The following MYH13 variants were observed in gnomAD, a reference collection of about 807,000 sequenced individuals.
The protein encoded by MYH13 is myosin heavy chain 13.
In MYH13, 177 loss-of-function variants were observed where a neutral mutation model predicts 232.1. The observed-to-expected ratio is 0.76, with a 90% confidence interval of 0.67 to 0.86. The LOEUF (loss-of-function observed/expected upper bound fraction) is 0.86, where lower values mean the gene tolerates loss of function less well. Among genes scored for constraint, MYH13 ranks in the 40% least tolerant of loss-of-function variants. MYH13 has a pLI of 0.00. For missense variants in MYH13, 2,246 were observed against 2,405.9 expected (o/e 0.93, Z 1.39); for synonymous variants, 884 against 923.5 (o/e 0.96, Z 0.78).
chr17:10,305,400 G>C lies in MYH13; in HGVS notation c.5466+1059C>G, dbSNP rs79467405. ...TTTGGGGGAAGTTCTAACTTCCCTG[G>C]TGTTTACTTTTGTTATTCAAAAAGT... On this transcript the variant is annotated intron_variant, in intron 37 of 40. Coordinates refer to ENST00000252172, the MANE Select transcript of MYH13 (RefSeq NM_003802.3). Among the ~76,000 whole-genome samples, 36 of 152,294 alleles carry C rather than the reference G, an allele frequency of 2.4e-4. 1 individual carries two copies. In the East Asian group the frequency reaches 6.7e-3, roughly 29 times the overall value.
In MYH13 at chr17:10,362,508, G is replaced by A; in HGVS notation, c.205-5C>T. 2.5e-6 allele frequency: 4 copies of A among 1,614,118 alleles called. No homozygotes were observed. The highest frequency in any genetic ancestry group is 2.5e-6 in the Non-Finnish European group (3 of 1,180,006). On this transcript the variant is annotated splice_region_variant and splice_polypyrimidine_tract_variant and intron_variant, in intron 3 of 40. Coordinates refer to ENST00000252172, the MANE Select transcript of MYH13 (RefSeq NM_003802.3). ...GTCATTGTTCAGAGTGAGCATCTGG[G>A]TATTGAGAGGAAAAGCAGGTAATAA... is the stretch of plus-strand genomic sequence containing the variant.
intron 12 of MYH13, among the ~76,000 whole-genome samples, chr17:10,347,712 C>CTTTTTTTTTTTTTTTTTTTTTTTTTTTTT (rs71139041): frequency 1.2e-5 from 1 of 86,724 alleles, no homozygotes. Context: ...GGGACTACTT[C>CTTTTTTTTTTTTTTTTTTTTTTTTTTTTT]TTTTTTTTTT....
chr17:10,343,070 A>T (rs9900439), intron 16 of MYH13, among the ~76,000 whole-genome samples: 1 of 146,278 alleles, frequency 6.8e-6, no homozygotes, highest in Non-Finnish European at 1.5e-5. Context: ...AGCCTGGAGA[A>T]AGAGCAAGAC....
chr17:10,352,148 G>A (rs559151835), intron 11 of MYH13, among the ~76,000 whole-genome samples: 1 of 152,164 alleles, frequency 6.6e-6, no homozygotes, highest in East Asian at 1.9e-4. Flanking sequence ...AGGTGAAAGC[G>A]TCACTGCCTG....
chr17:10,318,687 G>T, intron 27 of MYH13, 103 bp downstream of exon 27: 1 of 1,442,434 alleles, frequency 6.9e-7, no homozygotes, highest in Non-Finnish European at 9.5e-7. Context: ...GGGTTTCAGT[G>T]TAGAACATGC....
At chr17:10,319,240 G>C in intron 26 of MYH13, 61 bp from the exon 27 acceptor site, 2 of 1,533,030 alleles carry the variant, frequency 1.3e-6, no homozygotes, top group South Asian at 1.3e-5. Context: ...CCTTTGAGAG[G>C]GGCTGGGTGT....
At chr17:10,312,108 A>T in intron 31 of MYH13, 32 bp from the exon 32 acceptor site, 4 of 1,611,732 alleles carry the variant, frequency 2.5e-6, no homozygotes, top group Non-Finnish European at 3.4e-6. Flanking sequence ...TGGGAGAAGC[A>T]GAAAGCAGGG....
chr17:10,343,855 C>T lies in MYH13; in HGVS notation c.1839G>A (p.Lys613=). ...GGAAGGAGAGAAGCTTCAGCGAAGA[C>T]TTCTGGTACAGCCCCACCACAGTCT... ...LNETVVGLYQ[K]SSLKLLSFLF... is the part of the protein sequence containing the mutation. The change falls in exon 16 of 41, where the codon AAG becomes AAA. Residue 613 remains lysine (K), a synonymous_variant. Coordinates refer to ENST00000252172, the MANE Select transcript of MYH13 (RefSeq NM_003802.3). The T allele has an allele frequency of 6.2e-7, 1 of 1,613,626 alleles. No homozygotes were observed. Among genetic ancestry groups the T allele is most frequent in the South Asian group, 1.1e-5 (1 of 91,060 alleles).
At chr17:10,368,098 A>G (rs554052375) in intron 2 of MYH13, among the ~76,000 whole-genome samples, 1 of 152,200 alleles carries the variant, frequency 6.6e-6, no homozygotes, top group Non-Finnish European at 1.5e-5. Flanking sequence ...TCACTGAATT[A>G]TATAGTACTT....
In MYH13 at chr17:10,309,372, G is replaced by C. The variant is rs1906412597; in HGVS notation, c.5031C>G (p.Ile1677Met). ...SNEDLKEQLA[I>M]VERRNGLLLE... ...GCAGGAGGCCATTCCTGCGCTCCAC[G>C]ATGGCCAGCTGCTCCTTGAGGTCCT... The change falls in exon 35 of 41, where the codon ATC becomes ATG. Residue 1677 changes from isoleucine (I) to methionine (M), a missense_variant. Transcript: ENST00000252172. The C allele has an allele frequency of 6.2e-7, 1 of 1,612,588 alleles. No homozygotes were observed. Among genetic ancestry groups the C allele is most frequent in the African/African-American group, 1.3e-5 (1 of 74,916 alleles).
intron 33 of MYH13, 116 bp from the exon 34 acceptor site, chr17:10,309,946 ATTTTT>A: frequency 1.4e-6 from 1 of 691,970 alleles, no homozygotes; most frequent in Non-Finnish European, 2.1e-6. Context: ...TTAAATTTAA[ATTTTT>A]TTTTTTTTTT....
At chr17:10,340,773 T>C (rs946516976) in intron 16 of MYH13, among the ~76,000 whole-genome samples, 8 of 152,016 alleles carry the variant, frequency 5.3e-5, no homozygotes, top group Admixed American at 5.2e-4. Flanking sequence ...AGTCCTGGGA[T>C]TATAGGCATG....
rs552445861 is a variant in MYH13, at chr17:10,330,399, ATCT to A, written c.2420_2422del (p.Lys807del). ...GGGTCTGTGTCACCTCCTCTCCATCATCTTCTTGAACTCCACCCGCATCAGGTA... is the reference window on the plus strand; with the variant it reads ...GGGTCTGTGTCACCTCCTCTCCATCATCTTGAACTCCACCCGCATCAGGTA... On this transcript the variant is annotated inframe_deletion, in exon 21 of 41. Coordinates refer to ENST00000252172, the MANE Select transcript of MYH13 (RefSeq NM_003802.3). The A allele has an allele frequency of 4.4e-3, 7,098 of 1,613,638 alleles. 28 individuals carry two copies. Among genetic ancestry groups the A allele is most frequent in the Non-Finnish European group, 5.6e-3 (6,600 of 1,179,772 alleles).
At chr17:10,328,183 C>A (rs1310351089) in intron 21 of MYH13, 62 bp from the exon 22 acceptor site, 1 of 1,574,144 alleles carries the variant, frequency 6.4e-7, no homozygotes, top group Non-Finnish European at 8.6e-7. Context: ...GCACCCCCAA[C>A]CTGTCCCCGA....
intron 35 of MYH13, among the ~76,000 whole-genome samples, 175 bp from the exon 36 acceptor site, chr17:10,307,239 G>C (rs1906326041): frequency 6.6e-6 from 1 of 152,136 alleles, no homozygotes; most frequent in African/African-American, 2.4e-5. Flanking sequence ...TAACTGAACA[G>C]AAAGTCCTGA....
intron 7 of MYH13, among the ~76,000 whole-genome samples, 165 bp downstream of exon 7, chr17:10,359,795 C>T (rs28634252): frequency 0.021 from 3,185 of 152,274 alleles, 104 homozygotes; most frequent in East Asian, 0.11. Flanking sequence ...AAACCCCATA[C>T]ATTTGATGGC....
chr17:10,338,651 AG>A (rs2071594200), intron 18 of MYH13, among the ~76,000 whole-genome samples: 1 of 151,788 alleles, frequency 6.6e-6, no homozygotes, highest in African/African-American at 2.4e-5. Context: ...TGCTTATTAA[AG>A]AAGTAAATAA....
At chr17:10,331,274 C>G (rs17208457) in intron 20 of MYH13, among the ~76,000 whole-genome samples, 4 of 152,050 alleles carry the variant, frequency 2.6e-5, no homozygotes, top group African/African-American at 9.7e-5. Flanking sequence ...CCATAACATT[C>G]CAGGGAAACT....
intron 29 of MYH13, among the ~76,000 whole-genome samples, chr17:10,314,865 T>TG (rs1906643884): frequency 6.6e-6 from 1 of 152,158 alleles, no homozygotes; most frequent in East Asian, 1.9e-4. Flanking sequence ...TATAGATCTG[T>TG]GGGGAGACAT....
Sources: allele counts gnomAD v4.1 joint callset (sites outside exome capture counted in the v4.1 genomes callset), GRCh38; gene constraint gnomAD v4.1.1; transcripts MANE v1.5; gene names NCBI Gene and HGNC (gene_info 2026-07-23, HGNC 2026-07-21).